Variants in GRK3 observed in about 807,000 individuals in gnomAD.
The protein encoded by GRK3 is G protein-coupled receptor kinase 3, also known as adrenergic, beta, receptor kinase 2.
Under a neutral mutation model 95.7 loss-of-function variants are expected in GRK3, and 54 were observed. The observed-to-expected ratio is 0.56, with a 90% CI of 0.45 to 0.71. GRK3 has a LOEUF of 0.71. GRK3 is among the 30% of genes least tolerant of loss of function. The pLI is 0.00. For synonymous variants in GRK3, 281 were observed against 290.8 expected, an observed-to-expected ratio of 0.97 and a Z score of 0.34; for missense variants, 649 against 851.2, an observed-to-expected ratio of 0.76 and a Z score of 2.96.
chr22:25,566,738 A>G (rs1191855703), intron 1 of GRK3, among the ~76,000 whole-genome samples: 1 of 152,170 alleles, frequency 6.6e-6, no homozygotes, highest in Non-Finnish European at 1.5e-5. Flanking sequence ...ATCAAACCTA[A>G]ATTTCACCAA....
intron 13 of GRK3, chr22:25,702,820 C>T (rs1300155928): frequency 3.3e-5 from 15 of 455,862 alleles, no homozygotes; most frequent in Non-Finnish European, 2.6e-5. Context: ...GTGAAGTATG[C>T]GGCTTGATCC....
chr22:25,682,928 G>C (rs1028210112), intron 9 of GRK3, among the ~76,000 whole-genome samples: 3 of 152,224 alleles, frequency 2.0e-5, no homozygotes, highest in South Asian at 2.1e-4. Flanking sequence ...GTGCCCTTCT[G>C]TGTTTGGCTT....
At position 25,640,316 on chromosome 22, in the gene GRK3, A is replaced by G. The variant is rs2084734016; in HGVS notation, c.191-4276A>G. On this transcript the variant is annotated intron_variant, in intron 2 of 20. Transcript: ENST00000324198. Reference sequence around the variant, plus strand: ...AATACATCTTCCTCTTTTTATCATTATCTCAGCATCATACTTAATTACTTT... The same window carrying G: ...AATACATCTTCCTCTTTTTATCATTGTCTCAGCATCATACTTAATTACTTT... Among the ~76,000 whole-genome samples, 3 of 152,212 alleles carry G rather than the reference A, an allele frequency of 2.0e-5. No homozygotes were observed. In the South Asian group the frequency reaches 6.2e-4, roughly 32 times the overall value.
chr22:25,673,192 G>A (rs761379986), intron 7 of GRK3, among the ~76,000 whole-genome samples: 1 of 151,500 alleles, frequency 6.6e-6, no homozygotes, highest in Non-Finnish European at 1.5e-5. Flanking sequence ...CTCTTAAGTA[G>A]TTGGGACTAC....
At chr22:25,648,206 G>T in intron 3 of GRK3, 1 of 753,852 alleles carries the variant, frequency 1.3e-6, no homozygotes. Flanking sequence ...TTCGTGATTG[G>T]GATGAGGTAA....
chr22:25,709,986 T>C (rs1297200337), intron 16 of GRK3, 22 bp downstream of exon 16: 1 of 1,552,064 alleles, frequency 6.4e-7, no homozygotes, highest in East Asian at 2.2e-5. Flanking sequence ...CTCTTGACTC[T>C]ACTTACGGTA....
intron 8 of GRK3, among the ~76,000 whole-genome samples, chr22:25,677,679 A>T (rs1213051516): frequency 6.6e-6 from 1 of 152,228 alleles, no homozygotes. Flanking sequence ...ATCAACAAGA[A>T]AAAGGTAGAT....
intron 1 of GRK3, among the ~76,000 whole-genome samples, chr22:25,591,717 G>C (rs530898950): frequency 5.9e-5 from 9 of 152,290 alleles, no homozygotes; most frequent in African/African-American, 2.2e-4. Context: ...TTAAAAGTTT[G>C]CTCCTGCCTC....
rs1299104216 is a variant in GRK3 at position 25,722,355 on chromosome 22, T to C, written c.1972T>C (p.Leu658=). ...AACCTTCAAGGAGGCCCAGCGGCTA[T>C]TGCGTCGTGCCCCGAAGTTCCTCAA... ...NETFKEAQRL[L]RRAPKFLNKP... is the part of the protein sequence containing the mutation. The change falls in exon 21 of 21, where the codon TTG becomes CTG. Residue 658 remains leucine, a synonymous_variant. Coordinates refer to ENST00000324198, the MANE Select transcript of GRK3 (RefSeq NM_005160.4). The C allele has an allele frequency of 6.2e-7, 1 of 1,614,176 alleles. No individual in the cohort carries two copies. Among genetic ancestry groups the C allele is most frequent in the Non-Finnish European group, 8.5e-7 (1 of 1,180,028 alleles).
At chr22:25,607,208 A>G (rs2084456747) in intron 2 of GRK3, among the ~76,000 whole-genome samples, 1 of 152,170 alleles carries the variant, frequency 6.6e-6, no homozygotes, top group South Asian at 2.1e-4. Flanking sequence ...AAGCAGTCAC[A>G]GCGTTTTGTG....
intron 1 of GRK3, among the ~76,000 whole-genome samples, chr22:25,587,946 G>A (rs978389317): frequency 3.3e-5 from 5 of 152,070 alleles, no homozygotes; most frequent in African/African-American, 4.8e-5. Context: ...ACCCAGTCTC[G>A]GGTATGTCTT....
intron 12 of GRK3, among the ~76,000 whole-genome samples, chr22:25,692,620 T>C (rs995429328): frequency 6.6e-6 from 1 of 152,222 alleles, no homozygotes; most frequent in East Asian, 1.9e-4. Flanking sequence ...TGTCACTCAC[T>C]GAATATCCAG....
Position 25,722,739 on chromosome 22 carries a change from A to G in GRK3, c.*289A>G, listed in dbSNP as rs2085443533. The G allele has an allele frequency of 3.5e-6, 1 of 288,886 alleles. No homozygotes were observed. 17.9% of individuals were successfully genotyped at this position (288,886 alleles called of 1,614,324 possible). A position where few individuals can be genotyped will look rare whatever the true frequency, so the allele number is the denominator to read the frequency against. The stretch of plus-strand genomic sequence containing the variant: ...TATCACGTAAATTTTTATGTCTGAT[A>G]TCAAACACATCTTAGACTCCCCAGA... On this transcript the variant is annotated 3_prime_UTR_variant, in exon 21 of 21. Transcript: ENST00000324198.
chr22:25,589,733 C>G (rs567359952), intron 1 of GRK3, among the ~76,000 whole-genome samples: 2 of 152,266 alleles, frequency 1.3e-5, no homozygotes, highest in East Asian at 3.9e-4. Flanking sequence ...TTAGTCTGTT[C>G]TCACACTGCT....
intron 2 of GRK3, among the ~76,000 whole-genome samples, chr22:25,630,177 T>C (rs1414958055): frequency 2.6e-5 from 4 of 152,212 alleles, no homozygotes; most frequent in African/African-American, 9.7e-5. Context: ...TTATTCTGTT[T>C]CTTCCTTGTT....
chr22:25,637,320 G>A (rs1206438826), intron 2 of GRK3, among the ~76,000 whole-genome samples: 3 of 152,072 alleles, frequency 2.0e-5, no homozygotes, highest in East Asian at 1.9e-4. Context: ...GGGACTTCTC[G>A]GCCTCCATAA....
intron 2 of GRK3, among the ~76,000 whole-genome samples, chr22:25,622,984 C>T (rs965813912): frequency 1.3e-5 from 2 of 152,168 alleles, no homozygotes; most frequent in African/African-American, 4.8e-5. Context: ...CTCTGTCACC[C>T]AGGCTGGAGG....
intron 1 of GRK3, among the ~76,000 whole-genome samples, chr22:25,601,849 A>G (rs1325350884): frequency 2.0e-5 from 3 of 152,248 alleles, no homozygotes; most frequent in Non-Finnish European, 4.4e-5. Flanking sequence ...ATATTAGACC[A>G]TATTTGTGTT....
chr22:25,689,134 G>A (rs1202218893), intron 11 of GRK3, among the ~76,000 whole-genome samples: 2 of 151,118 alleles, frequency 1.3e-5, no homozygotes, highest in Non-Finnish European at 2.9e-5. Context: ...TAAGGTTACA[G>A]AATTATTATT....
Sources: gnomAD v4.1 joint callset for allele counts (sites outside exome capture counted in the v4.1 genomes callset) on GRCh38, gnomAD v4.1.1 for gene constraint, MANE v1.5 for transcripts, NCBI Gene and HGNC (gene_info 2026-07-23, HGNC 2026-07-21) for gene names.